Variants in FOCAD observed in about 807,000 individuals in gnomAD.
FOCAD encodes the protein focadhesin.
Under a neutral mutation model 225.6 loss-of-function variants are expected in FOCAD, and 198 were observed. The ratio of observed to expected loss-of-function variants is 0.88; its 90% confidence interval spans 0.78 to 0.99. The LOEUF is 0.99. Ranked by LOEUF, FOCAD falls within the 50% of genes least tolerant of loss-of-function variation. FOCAD has a pLI of 0.00. For synonymous variants in FOCAD, 897 were observed against 755.0 expected, an observed-to-expected ratio of 1.19 and a Z score of -3.08; for missense variants, 2,713 against 2,123.6, an observed-to-expected ratio of 1.28 and a Z score of -5.46.
chr9:20,678,971 A>G (rs1315096721), intron 2 of FOCAD, among the ~76,000 whole-genome samples: 3 of 152,184 alleles, frequency 2.0e-5, no homozygotes, highest in African/African-American at 4.8e-5. Context: ...AGAAGGTAAC[A>G]TCTCAGCAAA....
At chr9:20,699,179 G>A (rs1181667126) in intron 1 of FOCAD, among the ~76,000 whole-genome samples, 1 of 152,164 alleles carries the variant, frequency 6.6e-6, no homozygotes, top group Non-Finnish European at 1.5e-5. Context: ...TCTGATCTTT[G>A]ATAACCTTTC....
intron 12 of FOCAD, 105 bp from the exon 13 acceptor site, chr9:20,820,219 T>C: frequency 1.3e-6 from 1 of 760,564 alleles, no homozygotes; most frequent in Non-Finnish European, 2.1e-6. Flanking sequence ...GCAAGCTTTC[T>C]TCTCAGTCTT....
rs945260864 is a variant in FOCAD at position 20,823,035 on chromosome 9, T to C, written c.1840T>C (p.Leu614=). 1.9e-6 allele frequency: 3 copies of C among 1,608,920 alleles called. No individual in the cohort carries two copies. Among genetic ancestry groups the C allele is most frequent in the Non-Finnish European group, 1.7e-6 (2 of 1,178,026 alleles). The change falls in exon 15 of 44, where the codon TTG becomes CTG. Residue 614 remains leucine, a synonymous_variant. Transcript: ENST00000338382. ...TATGTTGGCAGCTATTTCTCAAGTG[T>C]TGAATGAATGCACCAAGCCTGATCA... ...ADMLAAISQV[L]NECTKPDQAT...
intron 5 of FOCAD, among the ~76,000 whole-genome samples, chr9:20,750,843 G>C (rs902469297): frequency 2.6e-5 from 4 of 152,122 alleles, no homozygotes; most frequent in African/African-American, 9.7e-5. Context: ...GCTTGGCATA[G>C]AATTATTAGT....
intron 23 of FOCAD, among the ~76,000 whole-genome samples, chr9:20,913,798 T>A (rs4977807): frequency 2.4e-4 from 36 of 152,050 alleles, no homozygotes; most frequent in Admixed American, 2.0e-3. Flanking sequence ...CTATTTGCTC[T>A]TATCTTTTGC....
intron 12 of FOCAD, 118 bp from the exon 13 acceptor site, chr9:20,820,206 G>T: frequency 1.5e-6 from 1 of 687,008 alleles, no homozygotes; most frequent in South Asian, 2.1e-5. Context: ...GGGTAATATT[G>T]CAGCAAGCTT....
intron 11 of FOCAD, among the ~76,000 whole-genome samples, chr9:20,811,736 A>C (rs1823099417): frequency 2.0e-5 from 3 of 152,042 alleles, no homozygotes. Context: ...CCAATGGACT[A>C]TTTAAATAAT....
intron 2 of FOCAD, among the ~76,000 whole-genome samples, chr9:20,678,461 T>C (rs573310333): frequency 6.6e-6 from 1 of 152,290 alleles, no homozygotes; most frequent in Middle Eastern, 3.4e-3. Flanking sequence ...AACCACAGGA[T>C]CCTGAGAATG....
At chr9:20,771,375 A>G (rs1818209917) in intron 8 of FOCAD, among the ~76,000 whole-genome samples, 4 of 152,156 alleles carry the variant, frequency 2.6e-5, no homozygotes, top group Admixed American at 2.6e-4. Flanking sequence ...AAGATGGAGG[A>G]GGGTTTGGGA....
intron 10 of FOCAD, among the ~76,000 whole-genome samples, chr9:20,786,208 G>A (rs564314153): frequency 6.6e-6 from 1 of 152,166 alleles, no homozygotes; most frequent in Non-Finnish European, 1.5e-5. Context: ...TGCTGAACTT[G>A]GGCGTAAATA....
At position 20,986,345 on chromosome 9, in the gene FOCAD, C is replaced by A. The variant is rs749470743; in HGVS notation, c.4786C>A (p.Pro1596Thr). ...KLYLVSQGRF[P>T]LVNLTDMLSV... is the part of the protein sequence containing the mutation. ...GTACTTAGTCTCTCAAGGACGATTCCCCTTGGTGAACCTGACCGATATGCT... is the reference window on the plus strand; with the variant it reads ...GTACTTAGTCTCTCAAGGACGATTCACCTTGGTGAACCTGACCGATATGCT... The change falls in exon 40 of 44, where the codon CCC becomes ACC. Residue 1596 changes from proline (P) to threonine (T), a missense_variant. Pro to Thr is a conservative substitution (Grantham distance 38). Coordinates refer to ENST00000338382, the MANE Select transcript of FOCAD (RefSeq NM_001375567.1). The A allele has an allele frequency of 2.0e-6, 3 of 1,515,882 alleles. No homozygotes were observed. The highest frequency in any genetic ancestry group is 2.2e-5 in the South Asian group (2 of 89,864). 93.9% of individuals were successfully genotyped at this position (1,515,882 alleles called of 1,614,324 possible).
chr9:20,893,171 A>G (rs1283947650), intron 21 of FOCAD, among the ~76,000 whole-genome samples: 3 of 152,092 alleles, frequency 2.0e-5, no homozygotes, highest in East Asian at 1.9e-4. Flanking sequence ...GACTACGGGT[A>G]TGTGCCACCA....
At chr9:20,693,359 T>TA (rs1437646106) in intron 1 of FOCAD, among the ~76,000 whole-genome samples, 6 of 152,192 alleles carry the variant, frequency 3.9e-5, no homozygotes, top group Non-Finnish European at 7.3e-5. Context: ...ACCATCCTTT[T>TA]AAAAATAGAA....
intron 7 of FOCAD, 135 bp from the exon 8 acceptor site, chr9:20,769,897 G>A: frequency 2.8e-6 from 2 of 727,106 alleles, no homozygotes; most frequent in Non-Finnish European, 4.5e-6. Flanking sequence ...ATGGAGTTCT[G>A]TAACTTTTTT....
intron 1 of FOCAD, among the ~76,000 whole-genome samples, chr9:20,712,098 A>G (rs1294619135): frequency 6.6e-6 from 1 of 152,040 alleles, no homozygotes; most frequent in Non-Finnish European, 1.5e-5. Flanking sequence ...ATGCAACATT[A>G]TTTATATCTC....
At chr9:20,665,635 G>C (rs930313042) in intron 2 of FOCAD, among the ~76,000 whole-genome samples, 1 of 152,144 alleles carries the variant, frequency 6.6e-6, no homozygotes, top group Non-Finnish European at 1.5e-5. Context: ...AGCCTAAGCA[G>C]GAGAACAAAA....
In FOCAD at chr9:20,907,142, T is replaced by C. The variant is rs777733454; in HGVS notation, c.2626-8T>C. 4 of 1,608,486 alleles carry C rather than the reference T, an allele frequency of 2.5e-6. No homozygotes were observed. The highest frequency in any genetic ancestry group is 1.1e-5 in the South Asian group (1 of 90,906). ...AGCCTAATATGTTGTGGTACATTTT[T>C]CCCATAGGTTCATATCCAGCTTTCA... On this transcript the variant is annotated splice_polypyrimidine_tract_variant and splice_region_variant and intron_variant, in intron 21 of 43. Transcript: ENST00000338382.
chr9:20,884,452 A>G (rs1830938132), intron 20 of FOCAD, among the ~76,000 whole-genome samples: 1 of 151,876 alleles, frequency 6.6e-6, no homozygotes, highest in East Asian at 2.0e-4. Flanking sequence ...GTTCGCCACC[A>G]TGCCTGGCTA....
chr9:20,704,001 G>T (rs1340232842), intron 1 of FOCAD, among the ~76,000 whole-genome samples: 1 of 152,184 alleles, frequency 6.6e-6, no homozygotes, highest in African/African-American at 2.4e-5. Flanking sequence ...TCTGTGTCAG[G>T]TTGCTCTGTT....
Sources: gnomAD v4.1 joint callset for allele counts (sites outside exome capture counted in the v4.1 genomes callset) on GRCh38, gnomAD v4.1.1 for gene constraint, MANE v1.5 for transcripts, NCBI Gene and HGNC (gene_info 2026-07-23, HGNC 2026-07-21) for gene names.